The following PTPRD variants were observed in gnomAD, a reference collection of about 807,000 sequenced individuals.
PTPRD encodes protein tyrosine phosphatase receptor type D.
In PTPRD, 34 loss-of-function variants were observed where a neutral mutation model predicts 214.5. That is an observed-to-expected ratio of 0.16 (90% CI 0.12 to 0.21). PTPRD has a LOEUF of 0.21. PTPRD is among the 10% of genes least tolerant of loss of function. The probability of loss-of-function intolerance (pLI) is 1.00; values close to 1 mark genes in which losing one functional copy is unlikely to be tolerated. For synonymous variants in PTPRD, 1,128 were observed against 845.7 expected, an observed-to-expected ratio of 1.33 and a Z score of -5.79; for missense variants, 2,545 against 2,398.7, an observed-to-expected ratio of 1.06 and a Z score of -1.27.
intron 9 of PTPRD, among the ~76,000 whole-genome samples, chr9:9,245,839 T>C (rs1400318186): frequency 6.6e-6 from 1 of 152,116 alleles, no homozygotes; most frequent in Non-Finnish European, 1.5e-5. Context: ...TTTGGGAACC[T>C]TGAGCAGAAA....
At chr9:10,566,718 G>A (rs1022040139) in intron 2 of PTPRD, among the ~76,000 whole-genome samples, 1 of 151,856 alleles carries the variant, frequency 6.6e-6, no homozygotes, top group African/African-American at 2.4e-5. Flanking sequence ...TCTCCTTCAT[G>A]GTTTGCGTTT....
At chr9:9,107,103 A>AT (rs2099799710) in intron 10 of PTPRD, among the ~76,000 whole-genome samples, 2 of 152,098 alleles carry the variant, frequency 1.3e-5, no homozygotes, top group Admixed American at 1.3e-4. Context: ...ATTAGAAATT[A>AT]TTTTTTTGTT....
chr9:10,358,993 T>C (rs924200954), intron 2 of PTPRD, among the ~76,000 whole-genome samples: 1 of 152,036 alleles, frequency 6.6e-6, no homozygotes, highest in Non-Finnish European at 1.5e-5. Flanking sequence ...AATATTACTA[T>C]TGAAATGTGA....
chr9:9,967,256 T>C (rs2094770067), intron 4 of PTPRD, among the ~76,000 whole-genome samples: 1 of 152,006 alleles, frequency 6.6e-6, no homozygotes, highest in South Asian at 2.1e-4. Flanking sequence ...GAGAATTACA[T>C]GCACTACACT....
At chr9:10,330,316 T>C (rs540965795) in intron 3 of PTPRD, among the ~76,000 whole-genome samples, 17 of 151,756 alleles carry the variant, frequency 1.1e-4, no homozygotes, top group African/African-American at 4.1e-4. Context: ...AAAACAGATA[T>C]ACAAAGAGTA....
chr9:8,437,954 G>C (rs1276561319), intron 34 of PTPRD, among the ~76,000 whole-genome samples: 1 of 152,124 alleles, frequency 6.6e-6, no homozygotes, highest in Non-Finnish European at 1.5e-5. Context: ...GAAGTATCAT[G>C]AAAGAGCATT....
chr9:9,592,110 T>G (rs990321859), intron 7 of PTPRD, among the ~76,000 whole-genome samples: 3 of 152,068 alleles, frequency 2.0e-5, no homozygotes, highest in African/African-American at 4.8e-5. Flanking sequence ...ATATTTGTTC[T>G]CAAAATTATT....
intron 9 of PTPRD, among the ~76,000 whole-genome samples, chr9:9,238,505 C>G (rs1031413482): frequency 1.3e-5 from 2 of 151,988 alleles, no homozygotes; most frequent in South Asian, 4.2e-4. Context: ...CTGATTCGGT[C>G]AGAGAGAAAC....
At chr9:10,417,187 T>C (rs546041171) in intron 2 of PTPRD, among the ~76,000 whole-genome samples, 1 of 152,032 alleles carries the variant, frequency 6.6e-6, no homozygotes, top group East Asian at 2.0e-4. Context: ...AGGGATGATA[T>C]TGAAGGAACA....
intron 4 of PTPRD, among the ~76,000 whole-genome samples, chr9:9,988,741 T>C (rs1293049282): frequency 2.0e-5 from 3 of 152,064 alleles, no homozygotes; most frequent in Non-Finnish European, 4.4e-5. Context: ...ATAAAAACTC[T>C]AAAAAGTGTA....
At chr9:8,848,023 T>C (rs932976229) in intron 11 of PTPRD, among the ~76,000 whole-genome samples, 4 of 152,112 alleles carry the variant, frequency 2.6e-5, no homozygotes, top group Admixed American at 2.6e-4. Flanking sequence ...TGGGCAGCTA[T>C]GAAAATGGCA....
At position 9,810,133 on chromosome 9, in the gene PTPRD, TAAAAA is replaced by T. The variant is rs3050106; in HGVS notation, c.-367-43287_-367-43283del. Among the ~76,000 whole-genome samples the T allele has an allele frequency of 5.6e-3, 608 of 108,500 alleles. 7 individuals are homozygous for T. Among genetic ancestry groups the T allele is most frequent in the African/African-American group, 0.024 (556 of 23,038 alleles). The allele number at this position is 108,500 out of a possible 152,430, so 71.2% of individuals were successfully genotyped here. On this transcript the variant is annotated intron_variant, in intron 5 of 45. Coordinates refer to ENST00000381196, the MANE Select transcript of PTPRD (RefSeq NM_002839.4). ...ACCCTATCATGATCTACTTCCAGGT[TAAAAA>T]AAAAAAAAAAAGCAAATATATTTTT...
At chr9:10,035,873 A>G (rs907550169) in intron 3 of PTPRD, among the ~76,000 whole-genome samples, 1 of 151,848 alleles carries the variant, frequency 6.6e-6, no homozygotes, top group African/African-American at 2.4e-5. Flanking sequence ...CCAGCAAGAC[A>G]GCATGCTTCT....
At chr9:9,029,782 G>A (rs1253147076) in intron 10 of PTPRD, among the ~76,000 whole-genome samples, 1 of 151,864 alleles carries the variant, frequency 6.6e-6, no homozygotes, top group Non-Finnish European at 1.5e-5. Context: ...AGGTGGCTGA[G>A]TCTGATATAA....
intron 5 of PTPRD, among the ~76,000 whole-genome samples, chr9:9,793,570 C>A (rs1309589116): frequency 6.6e-6 from 1 of 152,070 alleles, no homozygotes; most frequent in African/African-American, 2.4e-5. Context: ...AAGATTATCT[C>A]TGTTAGTAAA....
At chr9:9,920,930 T>G (rs942086458) in intron 5 of PTPRD, among the ~76,000 whole-genome samples, 1 of 152,160 alleles carries the variant, frequency 6.6e-6, no homozygotes, top group African/African-American at 2.4e-5. Flanking sequence ...TCTATTAATC[T>G]AGTTTAACTG....
chr9:10,544,025 C>A (rs833452), intron 2 of PTPRD, among the ~76,000 whole-genome samples: 143,592 of 152,162 alleles, frequency 0.94, 67,902 homozygotes, highest in Non-Finnish European at 0.98. Context: ...ACATTTTTCA[C>A]ACCACTCCTT....
chr9:8,651,915 T>G (rs925683626), intron 12 of PTPRD, among the ~76,000 whole-genome samples: 2 of 152,212 alleles, frequency 1.3e-5, no homozygotes, highest in Admixed American at 6.5e-5. Flanking sequence ...TTGGATTACT[T>G]TTCAAATATC....
chr9:9,555,227 G>T (rs773383402), intron 8 of PTPRD, among the ~76,000 whole-genome samples: 9 of 151,912 alleles, frequency 5.9e-5, no homozygotes, highest in Non-Finnish European at 1.2e-4. Context: ...GCTTCTAGAA[G>T]ACTTTCTAAT....
Sources: gnomAD v4.1 joint callset for allele counts (sites outside exome capture counted in the v4.1 genomes callset) on GRCh38, gnomAD v4.1.1 for gene constraint, MANE v1.5 for transcripts, NCBI Gene and HGNC (gene_info 2026-07-23, HGNC 2026-07-21) for gene names.